CTNNA2: variants seen among roughly 807,000 people sequenced by gnomAD.
CTNNA2 encodes catenin alpha-2.
Under a neutral mutation model 101.0 loss-of-function variants are expected in CTNNA2, and 42 were observed. That is an observed-to-expected ratio of 0.42 (90% CI 0.32 to 0.54). CTNNA2 has a LOEUF of 0.54. CTNNA2 is among the 20% of genes least tolerant of loss of function. CTNNA2 has a pLI of 0.14. For missense variants in CTNNA2, 871 were observed against 1,223.1 expected, an observed-to-expected ratio of 0.71 and a Z score of 4.29; for synonymous variants, 450 against 456.4, an observed-to-expected ratio of 0.99 and a Z score of 0.18.
chr2:80,182,798 G>A (rs1367723028), intron 7 of CTNNA2, among the ~76,000 whole-genome samples: 1 of 152,160 alleles, frequency 6.6e-6, no homozygotes, highest in East Asian at 1.9e-4. Flanking sequence ...AAGCAGTAGT[G>A]AGTGAAAAAG....
rs149854519 is a variant in CTNNA2 at position 79,495,681 on chromosome 2, T to G, written c.-134-9373T>G. ...TGTTCACAGCAGCATTATTCATAAT[T>G]AATTGCCTAAAGTGGAAATAACATA... is the stretch of plus-strand genomic sequence containing the variant. On this transcript the variant is annotated intron_variant, in intron 4 of 21. Coordinates refer to the CTNNA2 transcript ENST00000466387. Among the ~76,000 whole-genome samples the G allele has an allele frequency of 2.7e-3, 404 of 152,280 alleles. 2 individuals carry two copies. Among genetic ancestry groups the G allele is most frequent in the African/African-American group, 9.2e-3 (384 of 41,548 alleles).
intron 2 of CTNNA2, among the ~76,000 whole-genome samples, chr2:79,299,856 T>A (rs1676067790): frequency 6.6e-6 from 1 of 152,228 alleles, no homozygotes; most frequent in Middle Eastern, 3.2e-3. Flanking sequence ...CTAACTATTA[T>A]CCATAAATTA....
At chr2:80,001,764 C>T (rs541543735) in intron 7 of CTNNA2, among the ~76,000 whole-genome samples, 7 of 152,176 alleles carry the variant, frequency 4.6e-5, no homozygotes, top group Non-Finnish European at 1.0e-4. Flanking sequence ...CTGTGCCTCA[C>T]CCCCACTGCT....
intron 9 of CTNNA2, among the ~76,000 whole-genome samples, chr2:80,476,570 GAAT>G (rs1685746616): frequency 6.6e-6 from 1 of 152,108 alleles, no homozygotes; most frequent in African/African-American, 2.4e-5. Flanking sequence ...AGGGGTTTAA[GAAT>G]TATTAAATGT....
intron 7 of CTNNA2, among the ~76,000 whole-genome samples, chr2:79,944,970 A>C (rs543371990): frequency 6.6e-6 from 1 of 152,308 alleles, no homozygotes; most frequent in Non-Finnish European, 1.5e-5. Flanking sequence ...GAAGGGCAAA[A>C]ATGAGAGTAC....
At chr2:79,539,417 A>C (rs1399085310) in intron 1 of CTNNA2, among the ~76,000 whole-genome samples, 5 of 151,938 alleles carry the variant, frequency 3.3e-5, no homozygotes, top group Non-Finnish European at 7.4e-5. Flanking sequence ...TCTGGATATA[A>C]AGTCATGAAG....
chr2:79,770,030 A>G (rs1673461073), intron 3 of CTNNA2, among the ~76,000 whole-genome samples: 2 of 152,206 alleles, frequency 1.3e-5, no homozygotes, highest in African/African-American at 4.8e-5. Context: ...GCATGAATCT[A>G]GAACAGTGAA....
intron 3 of CTNNA2, among the ~76,000 whole-genome samples, chr2:79,780,083 A>G (rs1674310674): frequency 1.3e-5 from 2 of 152,178 alleles, no homozygotes; most frequent in South Asian, 2.1e-4. Context: ...AGTCCTTTCT[A>G]TTGGTAATAA....
chr2:80,009,263 T>C (rs1693597082), intron 7 of CTNNA2, among the ~76,000 whole-genome samples: 1 of 152,214 alleles, frequency 6.6e-6, no homozygotes, highest in African/African-American at 2.4e-5. Flanking sequence ...CATCTGGGCC[T>C]TCAATGTGAT....
intron 4 of CTNNA2, among the ~76,000 whole-genome samples, chr2:79,491,290 C>A (rs1296769698): frequency 6.6e-6 from 1 of 152,112 alleles, no homozygotes; most frequent in African/African-American, 2.4e-5. Flanking sequence ...GCAGTCTGGG[C>A]AGTAGATGAA....
intron 1 of CTNNA2, among the ~76,000 whole-genome samples, chr2:79,527,602 G>A (rs1238420256): frequency 2.6e-5 from 4 of 151,162 alleles, no homozygotes; most frequent in African/African-American, 4.9e-5. Context: ...CTGAGATGGC[G>A]CCATCTGAGA....
intron 12 of CTNNA2, among the ~76,000 whole-genome samples, chr2:80,573,902 A>G (rs1483492107): frequency 6.6e-6 from 1 of 152,166 alleles, no homozygotes; most frequent in East Asian, 1.9e-4. Flanking sequence ...ACACCACACT[A>G]CTGTGGGCAG....
chr2:80,302,991 C>G lies in CTNNA2; in HGVS notation c.1057-90220C>G. Reference sequence around the variant, plus strand: ...AGGGACTGCAGGTGCGGCACGGTCTCGAACACATGGGGCTCCATGTACTCG... The same window carrying G: ...AGGGACTGCAGGTGCGGCACGGTCTGGAACACATGGGGCTCCATGTACTCG... On this transcript the variant is annotated intron_variant, in intron 7 of 18. Transcript: ENST00000402739. The surrounding 1 kb of genome is among the most constrained non-coding windows in gnomAD (Gnocchi z 6.4). 3 of 1,613,274 alleles carry G rather than the reference C, an allele frequency of 1.9e-6. No homozygotes were observed. The highest frequency in any genetic ancestry group is 2.2e-5 in the South Asian group (2 of 91,022).
At chr2:80,227,295 C>G (rs1342076162) in intron 7 of CTNNA2, among the ~76,000 whole-genome samples, 1 of 152,024 alleles carries the variant, frequency 6.6e-6, no homozygotes, top group East Asian at 1.9e-4. Context: ...GAATACTTAC[C>G]AAGTGTCAGG....
intron 1 of CTNNA2, among the ~76,000 whole-genome samples, chr2:79,191,721 A>C: frequency 6.6e-6 from 1 of 152,148 alleles, no homozygotes; most frequent in Admixed American, 6.6e-5. Flanking sequence ...TACTTGGCTG[A>C]TAAGTTAGAT....
At chr2:80,355,812 C>T (rs532403553) in intron 7 of CTNNA2, among the ~76,000 whole-genome samples, 6 of 152,186 alleles carry the variant, frequency 3.9e-5, no homozygotes, top group East Asian at 3.9e-4. Context: ...GAACATTAAA[C>T]GACCATTTTT....
At chr2:80,631,578 T>G (rs1426277883) in intron 18 of CTNNA2, among the ~76,000 whole-genome samples, 2 of 152,188 alleles carry the variant, frequency 1.3e-5, no homozygotes, top group South Asian at 4.1e-4. Context: ...TTTTGCTGAA[T>G]TTTCCCTGAA....
chr2:80,580,987 G>A (rs1045187998), intron 13 of CTNNA2, among the ~76,000 whole-genome samples: 46 of 151,222 alleles, frequency 3.0e-4, no homozygotes, highest in African/African-American at 8.1e-4. Context: ...CTGCACTCCA[G>A]CCTGGGCTAC....
chr2:80,062,995 G>A (rs542539832), intron 7 of CTNNA2, among the ~76,000 whole-genome samples: 13 of 152,190 alleles, frequency 8.5e-5, no homozygotes, highest in Non-Finnish European at 1.5e-4. Context: ...GTGAGCCACC[G>A]CGCCCGGCCA....
Sources: gnomAD v4.1 joint callset for allele counts (sites outside exome capture counted in the v4.1 genomes callset) on GRCh38, gnomAD v4.1.1 for gene constraint, Gnocchi (gnomAD v3.1) non-coding constraint, MANE v1.5 for transcripts, NCBI Gene and HGNC (gene_info 2026-07-23, HGNC 2026-07-21) for gene names.